The following RAD51B variants were observed in gnomAD, a reference collection of about 807,000 sequenced individuals.
RAD51B encodes the protein RAD51 paralog B.
A neutral mutation model predicts 42.2 loss-of-function variants in RAD51B; 38 were observed. The ratio of observed to expected loss-of-function variants is 0.90; its 90% confidence interval spans 0.70 to 1.18. RAD51B has a LOEUF of 1.18. Ranked by LOEUF, RAD51B falls within the 50% of genes most tolerant of loss-of-function variation. The pLI, the probability that RAD51B is intolerant of heterozygous loss-of-function variation, is 0.00. For synonymous variants in RAD51B, 154 were observed against 145.2 expected, an observed-to-expected ratio of 1.06 and a Z score of -0.43; for missense variants, 373 against 400.7, an observed-to-expected ratio of 0.93 and a Z score of 0.59.
chr14:68,608,732 C>T (rs1891555122), intron 10 of RAD51B, among the ~76,000 whole-genome samples: 1 of 152,186 alleles, frequency 6.6e-6, no homozygotes, highest in South Asian at 2.1e-4. Context: ...ATGAACAGAG[C>T]AGGCCCCCTT....
chr14:68,351,809 A>G (rs1168621992), intron 8 of RAD51B, among the ~76,000 whole-genome samples: 1 of 152,230 alleles, frequency 6.6e-6, no homozygotes, highest in African/African-American at 2.4e-5. Context: ...ACCTGTTTCT[A>G]GCAAAAGATG....
At chr14:67,820,165 G>A (rs540026513) in intron 1 of RAD51B, among the ~76,000 whole-genome samples, 1 of 152,172 alleles carries the variant, frequency 6.6e-6, no homozygotes, top group Non-Finnish European at 1.5e-5. Context: ...CCCGCTTCGG[G>A]CAGCCTGTCA....
intron 7 of RAD51B, among the ~76,000 whole-genome samples, chr14:68,129,740 C>G (rs1351773592): frequency 6.6e-6 from 1 of 152,184 alleles, no homozygotes; most frequent in South Asian, 2.1e-4. Flanking sequence ...CAGTGGTTCT[C>G]AAACTTTAGT....
chr14:68,325,685 G>A (rs1188322116), intron 8 of RAD51B, among the ~76,000 whole-genome samples: 1 of 151,412 alleles, frequency 6.6e-6, no homozygotes, highest in Non-Finnish European at 1.5e-5. Context: ...TAGTTAGCGT[G>A]GTGCTTCCCA....
chr14:67,911,221 T>C (rs189247095), intron 7 of RAD51B, among the ~76,000 whole-genome samples: 7 of 152,332 alleles, frequency 4.6e-5, no homozygotes, highest in East Asian at 1.9e-4. Flanking sequence ...TGTTAATATA[T>C]GTATTTTCTT....
intron 7 of RAD51B, among the ~76,000 whole-genome samples, chr14:67,890,475 T>C (rs933814933): frequency 2.6e-5 from 4 of 151,816 alleles, no homozygotes; most frequent in Non-Finnish European, 5.9e-5. Flanking sequence ...ATTATTATTA[T>C]TATACTTTAA....
chr14:68,424,751 A>G (rs1032013077), intron 9 of RAD51B, among the ~76,000 whole-genome samples: 2 of 151,992 alleles, frequency 1.3e-5, no homozygotes, highest in Admixed American at 6.5e-5. Flanking sequence ...TGAGGAGGCC[A>G]GTCCTTCTCA....
At chr14:67,983,694 G>T (rs1177658413) in intron 7 of RAD51B, among the ~76,000 whole-genome samples, 2 of 151,968 alleles carry the variant, frequency 1.3e-5, no homozygotes, top group Non-Finnish European at 2.9e-5. Context: ...TCTAGTTTTT[G>T]TTTTTTAATT....
At chr14:68,388,451 T>A (rs2083657723) in intron 8 of RAD51B, among the ~76,000 whole-genome samples, 1 of 152,082 alleles carries the variant, frequency 6.6e-6, no homozygotes, top group African/African-American at 2.4e-5. Flanking sequence ...GCAACATAAA[T>A]CTTCCCATGC....
At chr14:68,175,922 A>G (rs556309651) in intron 7 of RAD51B, among the ~76,000 whole-genome samples, 1 of 152,338 alleles carries the variant, frequency 6.6e-6, no homozygotes, top group East Asian at 1.9e-4. Context: ...TTCCTAGAAT[A>G]GTTGCATTCA....
intron 7 of RAD51B, among the ~76,000 whole-genome samples, chr14:68,283,236 G>A (rs757300662): frequency 1.3e-5 from 2 of 152,174 alleles, no homozygotes; most frequent in African/African-American, 2.4e-5. Context: ...AAAAAGGTCA[G>A]CAGAAACTCG....
At chr14:68,047,461 G>A (rs2076321033) in intron 7 of RAD51B, among the ~76,000 whole-genome samples, 1 of 151,940 alleles carries the variant, frequency 6.6e-6, no homozygotes, top group South Asian at 2.1e-4. Context: ...AAAAGAACGA[G>A]GAAAAATAAA....
At chr14:67,992,749 A>G (rs2075315707) in intron 7 of RAD51B, among the ~76,000 whole-genome samples, 1 of 142,236 alleles carries the variant, frequency 7.0e-6, no homozygotes, top group Non-Finnish European at 1.5e-5. Flanking sequence ...ATTTAGAAGG[A>G]AAAATGTTTT....
intron 7 of RAD51B, among the ~76,000 whole-genome samples, chr14:68,260,308 T>TGGGGGGCGGGGG (rs1206023571): frequency 7.8e-6 from 1 of 128,668 alleles, no homozygotes; most frequent in Admixed American, 7.1e-5. Flanking sequence ...CGTGTGTGTG[T>TGGGGGGCGGGGG]GTGTGTGTGT....
At chr14:67,925,429 C>T (rs371923869) in intron 7 of RAD51B, among the ~76,000 whole-genome samples, 6 of 152,070 alleles carry the variant, frequency 3.9e-5, no homozygotes, top group Non-Finnish European at 5.9e-5. Flanking sequence ...CCTGCCACCA[C>T]GTCTGGCTAA....
rs34436700 is a variant in RAD51B, at chr14:68,468,143, A to T, written c.958-29A>T. ...GAGGCCCATCCCTGATCCTTTGACT[A>T]ACCCTAGAAAAATGTGCTTTATGTG... On this transcript the variant is annotated intron_variant, in intron 9 of 10. Transcript: ENST00000471583. 1.5e-3 allele frequency: 2,324 copies of T among 1,596,770 alleles called. 16 individuals are homozygous for T. In the African/African-American group the frequency reaches 0.019, roughly 13 times the overall value.
chr14:68,671,008 C>A (rs956056854), intron 11 of RAD51B, among the ~76,000 whole-genome samples: 1 of 152,182 alleles, frequency 6.6e-6, no homozygotes, highest in African/African-American at 2.4e-5. Context: ...CAGCTCCTGG[C>A]GTCTGCTGCT....
intron 7 of RAD51B, among the ~76,000 whole-genome samples, chr14:68,194,337 T>C (rs192461458): frequency 1.9e-3 from 287 of 152,312 alleles, no homozygotes; most frequent in Non-Finnish European, 2.9e-3. Context: ...GCAAGAAATA[T>C]TAAGTGTCTG....
chr14:68,551,126 C>G (rs10483812), intron 10 of RAD51B, among the ~76,000 whole-genome samples: 25,617 of 152,136 alleles, frequency 0.17, 2,744 homozygotes, highest in Non-Finnish European at 0.24. Context: ...AGCACCTCCT[C>G]AGCACTCACT....
Sources: allele counts gnomAD v4.1 joint callset (sites outside exome capture counted in the v4.1 genomes callset), GRCh38; gene constraint gnomAD v4.1.1; transcripts MANE v1.5; gene names NCBI Gene and HGNC (gene_info 2026-07-23, HGNC 2026-07-21).